The following PICALM variants were observed in gnomAD, a reference collection of about 807,000 sequenced individuals.
PICALM encodes the protein phosphatidylinositol binding clathrin assembly protein.
PICALM carries 40 observed loss-of-function variants against 80.5 expected under a neutral mutation model. That is an observed-to-expected ratio of 0.50 (90% CI 0.39 to 0.65). The LOEUF is 0.65. Among genes scored for constraint, PICALM ranks in the 30% least tolerant of loss-of-function variants. PICALM has a pLI of 0.00. For synonymous variants in PICALM, 288 were observed against 260.3 expected (o/e 1.11, Z -1.02); for missense variants, 676 against 778.9 (o/e 0.87, Z 1.57).
intron 17 of PICALM, among the ~76,000 whole-genome samples, 160 bp downstream of exon 17, chr11:85,980,969 A>C (rs2094425600): frequency 6.6e-6 from 1 of 152,256 alleles, no homozygotes; most frequent in Non-Finnish European, 1.5e-5. Flanking sequence ...TATCTGGTAA[A>C]TATAGGCAAC....
intron 1 of PICALM, among the ~76,000 whole-genome samples, chr11:86,056,867 T>C (rs1678650835): frequency 6.6e-6 from 1 of 152,224 alleles, no homozygotes; most frequent in Admixed American, 6.5e-5. Context: ...TGATATGTGC[T>C]ACAAGGACAA....
chr11:86,060,149 T>C (rs908886183), intron 1 of PICALM, among the ~76,000 whole-genome samples: 6 of 152,200 alleles, frequency 3.9e-5, no homozygotes, highest in African/African-American at 1.2e-4. Context: ...AAGGATCCCT[T>C]AGATCTAGTT....
intron 13 of PICALM, 149 bp downstream of exon 13, chr11:85,990,101 C>A: frequency 5.9e-6 from 2 of 341,364 alleles, no homozygotes; most frequent in Non-Finnish European, 1.0e-5. Context: ...AATTTAAAAA[C>A]CTCACTACAT....
chr11:86,056,042 G>A (rs1026767259), intron 1 of PICALM, among the ~76,000 whole-genome samples: 2 of 148,064 alleles, frequency 1.4e-5, no homozygotes, highest in Admixed American at 6.9e-5. Flanking sequence ...AGGCTAAGGT[G>A]GGAGGATCAC....
At chr11:85,996,979 ACTTTAGTGTCAC>A in intron 11 of PICALM, 50 bp from the exon 12 acceptor site, 1 of 1,166,662 alleles carries the variant, frequency 8.6e-7, no homozygotes, top group Non-Finnish European at 1.3e-6. Flanking sequence ...AAACTTTGCT[ACTTTAGTGTCAC>A]CTTCTCCACC....
At chr11:86,048,689 G>A (rs1018803789) in intron 1 of PICALM, among the ~76,000 whole-genome samples, 27 of 151,742 alleles carry the variant, frequency 1.8e-4, no homozygotes, top group Non-Finnish European at 2.9e-4. Flanking sequence ...AAAATTAGCC[G>A]GGCGTGGTGG....
intron 13 of PICALM, among the ~76,000 whole-genome samples, chr11:85,987,306 C>A (rs2094602414): frequency 6.6e-6 from 1 of 152,116 alleles, no homozygotes; most frequent in African/African-American, 2.4e-5. Flanking sequence ...AGCATCAGAA[C>A]CAAGACTTGA....
At chr11:86,048,837 CAAAAAAAA>C (rs36076234) in intron 1 of PICALM, among the ~76,000 whole-genome samples, 1 of 102,046 alleles carries the variant, frequency 9.8e-6, no homozygotes, top group Non-Finnish European at 1.9e-5. Flanking sequence ...AACTCCGTCT[CAAAAAAAA>C]AAAAAAAAAA....
intron 1 of PICALM, among the ~76,000 whole-genome samples, chr11:86,045,401 T>C (rs1290559054): frequency 2.0e-5 from 3 of 151,184 alleles, no homozygotes; most frequent in African/African-American, 4.9e-5. Context: ...ACTCAGGAGG[T>C]TGAGGTGGGT....
At position 86,031,618 on chromosome 11, in the gene PICALM, T is replaced by C. The variant is rs1167048554; in HGVS notation, c.131-7A>G. 2.5e-6 allele frequency: 4 copies of C among 1,589,312 alleles called. No individual in the cohort carries two copies. The highest frequency in any genetic ancestry group is 1.8e-5 in the Admixed American group (1 of 55,130). ...TTTGTGCACTGAATTAAGTCTGCAATAAAAAATTTTTAAATGATTAATTTC... is the reference window on the plus strand; with the variant it reads ...TTTGTGCACTGAATTAAGTCTGCAACAAAAAATTTTTAAATGATTAATTTC... On this transcript the variant is annotated splice_polypyrimidine_tract_variant and splice_region_variant and intron_variant, in intron 1 of 19. Transcript: ENST00000393346.
At chr11:86,018,877 A>G (rs2095521627) in intron 4 of PICALM, among the ~76,000 whole-genome samples, 1 of 138,362 alleles carries the variant, frequency 7.2e-6, no homozygotes, top group Non-Finnish European at 1.5e-5. Context: ...TGATAGAGCC[A>G]GACTCTGACT....
Position 86,068,912 on chromosome 11 carries a change from C to CG in PICALM, c.-133dup. On this transcript the variant is annotated 5_prime_UTR_variant, in exon 1 of 20. Transcript: ENST00000393346. ...TCCTTCCCCGCCTGCCGGCCTGGGG[C>CG]GCGGTTCGGGGCCGCGCGCTGCCAC... 1 of 1,317,956 alleles carries CG rather than the reference C, an allele frequency of 7.6e-7. No individual in the cohort carries two copies. The highest frequency in any genetic ancestry group is 1.0e-6 in the Non-Finnish European group (1 of 993,878). 81.6% of individuals were successfully genotyped at this position (1,317,956 alleles called of 1,614,324 possible).
intron 19 of PICALM, among the ~76,000 whole-genome samples, chr11:85,973,424 A>G (rs972047478): frequency 6.6e-6 from 1 of 152,224 alleles, no homozygotes; most frequent in Non-Finnish European, 1.5e-5. Flanking sequence ...CAAGAGAAAG[A>G]CAGAGAGGGA....
chr11:85,965,201 C>T (rs1015308979), intron 19 of PICALM, among the ~76,000 whole-genome samples: 13 of 152,226 alleles, frequency 8.5e-5, no homozygotes, highest in African/African-American at 3.1e-4. Context: ...TTCTGCCTGC[C>T]GTGTGATACC....
chr11:85,969,950 A>G (rs892084266), intron 19 of PICALM, among the ~76,000 whole-genome samples: 3 of 152,270 alleles, frequency 2.0e-5, no homozygotes, highest in South Asian at 2.1e-4. Context: ...CCAATTTTGA[A>G]CACCACTGCA....
chr11:85,970,456 T>C (rs774950047), intron 19 of PICALM, among the ~76,000 whole-genome samples: 4 of 152,214 alleles, frequency 2.6e-5, no homozygotes, highest in Non-Finnish European at 5.9e-5. Flanking sequence ...TAGGGAGGCT[T>C]CATGAGGTTG....
In PICALM at chr11:86,068,882, C is replaced by G; in HGVS notation, c.-102G>C. 1 of 1,409,462 alleles carries G rather than the reference C, an allele frequency of 7.1e-7. No homozygotes were observed. The highest frequency in any genetic ancestry group is 2.6e-4 in the Middle Eastern group (1 of 3,878). 87.3% of individuals were successfully genotyped at this position (1,409,462 alleles called of 1,614,324 possible). A position where few individuals can be genotyped will look rare whatever the true frequency, so the allele number is the denominator to read the frequency against. On this transcript the variant is annotated 5_prime_UTR_variant, in exon 1 of 20. Transcript: ENST00000393346. Reference sequence around the variant, plus strand: ...CCCCCCACCGCACCCCCTACCCCCACCGGCTCCTTCCCCGCCTGCCGGCCT... The same window carrying G: ...CCCCCCACCGCACCCCCTACCCCCAGCGGCTCCTTCCCCGCCTGCCGGCCT...
intron 1 of PICALM, among the ~76,000 whole-genome samples, chr11:86,045,125 A>G (rs2137152095): frequency 6.6e-6 from 1 of 152,334 alleles, no homozygotes; most frequent in South Asian, 2.1e-4. Flanking sequence ...GGAAAATATG[A>G]GCAATTTTAA....
upstream of PICALM, chr11:86,069,728 G>A (rs1233232839): frequency 6.6e-6 from 1 of 152,172 alleles, no homozygotes; most frequent in Non-Finnish European, 1.5e-5. Context: ...ACCCCAGAAA[G>A]GTTTTTTCCC....
Sources: gnomAD v4.1 joint callset for allele counts (sites outside exome capture counted in the v4.1 genomes callset) on GRCh38, gnomAD v4.1.1 for gene constraint, MANE v1.5 for transcripts, NCBI Gene and HGNC (gene_info 2026-07-23, HGNC 2026-07-21) for gene names.